Variants in OR6A2 observed in about 807,000 individuals in gnomAD.
The protein encoded by OR6A2 is olfactory receptor family 6 subfamily A member 2.
OR6A2 carries 6 observed loss-of-function variants against 7.1 expected under a neutral mutation model. The ratio of observed to expected loss-of-function variants is 0.85; its 90% CI spans 0.46 to 1.68. The LOEUF (loss-of-function observed/expected upper bound fraction) is 1.68. Ranked by LOEUF, OR6A2 falls within the 40% of genes most tolerant of loss-of-function variation. The pLI is 0.01. For synonymous variants in OR6A2, 162 were observed against 152.1 expected, an observed-to-expected ratio of 1.06 and a Z score of -0.48; for missense variants, 431 against 398.0, an observed-to-expected ratio of 1.08 and a Z score of -0.71.
At chr11:6,796,909 G>C (rs1041013003) in intron 1 of OR6A2, among the ~76,000 whole-genome samples, 1 of 152,058 alleles carries the variant, frequency 6.6e-6, no homozygotes, top group African/African-American at 2.4e-5. Flanking sequence ...TTAGAAAGGA[G>C]AATGGGGTAG....
In OR6A2 at chr11:6,794,643, A is replaced by T; in HGVS notation, c.*82T>A. 1 of 1,522,878 alleles carries T rather than the reference A, an allele frequency of 6.6e-7. No homozygotes were observed. Among genetic ancestry groups the T allele is most frequent in the Non-Finnish European group, 8.8e-7 (1 of 1,131,604 alleles). The allele number at this position is 1,522,878 out of a possible 1,614,324, so 94.3% of individuals were successfully genotyped here. On this transcript the variant is annotated 3_prime_UTR_variant, in exon 2 of 2. Transcript: ENST00000641196. ...CCTTTGAAACTCTGGCCCCCAATTT[A>T]GGCCCTAAGAACTCCACTGGACTTC...
chr11:6,793,683 T>C lies in OR6A2; in HGVS notation c.*1042A>G, dbSNP rs570040476. On this transcript the variant is annotated 3_prime_UTR_variant, in exon 2 of 2. Transcript: ENST00000641196. Reference sequence around the variant, plus strand: ...ATATTTTTGATACTGTTATATAACATAATATTTTTATTAAGTTAGAAATAT... The same window carrying C: ...ATATTTTTGATACTGTTATATAACACAATATTTTTATTAAGTTAGAAATAT... 11 of 152,296 alleles carry C rather than the reference T, an allele frequency of 7.2e-5. No homozygotes were observed. Among genetic ancestry groups the C allele is most frequent in the African/African-American group, 2.6e-4 (11 of 41,558 alleles). 9.4% of individuals were successfully genotyped at this position (152,296 alleles called of 1,614,324 possible). A position where few individuals can be genotyped will look rare whatever the true frequency, so the allele number is the denominator to read the frequency against.
intron 1 of OR6A2, among the ~76,000 whole-genome samples, chr11:6,796,236 A>G (rs1019492899): frequency 3.8e-4 from 58 of 152,212 alleles, no homozygotes; most frequent in African/African-American, 1.4e-3. Context: ...CTTAACAACA[A>G]TCTTGTGGGC....
In OR6A2 at chr11:6,793,339, A is replaced by G. The variant is rs1428218846; in HGVS notation, c.*1386T>C. The G allele has an allele frequency of 1.3e-5, 2 of 152,214 alleles. No homozygotes were observed. Among genetic ancestry groups the G allele is most frequent in the African/African-American group, 4.8e-5 (2 of 41,474 alleles). The allele number at this position is 152,214 out of a possible 1,614,324, so 9.4% of individuals were successfully genotyped here. ...TTTATTAAGTAACATACAGCAATAA[A>G]GTTAGATCCCACATCTTGAGCAACA... On this transcript the variant is annotated 3_prime_UTR_variant, in exon 2 of 2. Coordinates refer to ENST00000641196, the MANE Select transcript of OR6A2 (RefSeq NM_003696.3).
In OR6A2 at chr11:6,793,321, A is replaced by G. The variant is rs1847710367; in HGVS notation, c.*1404T>C. ...TAATATCCTTTTGTAAATTTTATTA[A>G]GTAACATACAGCAATAAAGTTAGAT... is the stretch of plus-strand genomic sequence containing the variant. On this transcript the variant is annotated 3_prime_UTR_variant, in exon 2 of 2. Coordinates refer to ENST00000641196, the MANE Select transcript of OR6A2 (RefSeq NM_003696.3). 1.3e-5 allele frequency: 2 copies of G among 152,228 alleles called. No individual in the cohort carries two copies. The highest frequency in any genetic ancestry group is 4.8e-5 in the African/African-American group (2 of 41,462). The allele number at this position is 152,228 out of a possible 1,614,324, so 9.4% of individuals were successfully genotyped here.
At chr11:6,799,194 TATA>T (rs1486289436) in intron 1 of OR6A2, among the ~76,000 whole-genome samples, 3 of 152,056 alleles carry the variant, frequency 2.0e-5, no homozygotes, top group Admixed American at 6.6e-5. Flanking sequence ...GAATAAGAGA[TATA>T]ATATTTGGGT....
chr11:6,796,144 C>T (rs1357593279), intron 1 of OR6A2, among the ~76,000 whole-genome samples: 2 of 152,140 alleles, frequency 1.3e-5, no homozygotes, highest in African/African-American at 4.8e-5. Flanking sequence ...TCATATATAA[C>T]ACAATTGAGT....
chr11:6,798,881 T>G (rs1391753294), intron 1 of OR6A2, among the ~76,000 whole-genome samples: 1 of 152,230 alleles, frequency 6.6e-6, no homozygotes, highest in South Asian at 2.1e-4. Context: ...GTTCCTGTTA[T>G]AAGGTTTCAC....
chr11:6,799,348 T>C (rs1847778167), intron 1 of OR6A2, among the ~76,000 whole-genome samples, 196 bp downstream of exon 1: 1 of 152,098 alleles, frequency 6.6e-6, no homozygotes, highest in Non-Finnish European at 1.5e-5. Flanking sequence ...AAGGACCAGC[T>C]ATGAGAGGAA....
Position 6,798,878 on chromosome 11 carries a change from T to C in OR6A2, c.-177+666A>G, listed in dbSNP as rs976813262. Among the ~76,000 whole-genome samples the C allele has an allele frequency of 2.8e-4, 42 of 152,218 alleles. 1 individual carries two copies. Among genetic ancestry groups the C allele is most frequent in the Non-Finnish European group, 8.8e-5 (6 of 68,034 alleles). The stretch of plus-strand genomic sequence containing the variant: ...TCTCTCCTTCTGACAGTAGTTCCTG[T>C]TATAAGGTTTCACTTACTGATTATT... On this transcript the variant is annotated intron_variant, in intron 1 of 1. Coordinates refer to ENST00000641196, the MANE Select transcript of OR6A2 (RefSeq NM_003696.3).
intron 1 of OR6A2, among the ~76,000 whole-genome samples, chr11:6,798,858 CCTT>C (rs538551429): frequency 2.4e-4 from 36 of 152,264 alleles, no homozygotes; most frequent in African/African-American, 8.2e-4. Context: ...ATCTATCTCT[CCTT>C]CTGACAGTAG....
At chr11:6,797,632 C>T (rs1166584006) in intron 1 of OR6A2, among the ~76,000 whole-genome samples, 1 of 152,182 alleles carries the variant, frequency 6.6e-6, no homozygotes, top group Non-Finnish European at 1.5e-5. Context: ...TAGTCTTACC[C>T]TTAAAGGTGA....
At position 6,795,487 on chromosome 11, in the gene OR6A2, A is replaced by C. The variant is rs1011378890; in HGVS notation, c.222T>G (p.Tyr74Ter). ...LANMSFLEIW[Y>*]VTVTIPKMLA... Reference sequence around the variant, plus strand: ...GCATCTTGGGAATAGTGACAGTGACATACCAGATCTCCAGAAAGGACATAT... The same window carrying C: ...GCATCTTGGGAATAGTGACAGTGACCTACCAGATCTCCAGAAAGGACATAT... The change falls in exon 2 of 2, where the codon TAT (tyrosine) becomes TAG (stop). Residue 74 changes from tyrosine (Y) to a stop codon, truncating the protein, a stop_gained. Transcript: ENST00000641196. LOFTEE classifies it high-confidence loss of function. The C allele has an allele frequency of 1.2e-6, 2 of 1,614,194 alleles. No homozygotes were observed. Among genetic ancestry groups the C allele is most frequent in the South Asian group, 2.2e-5 (2 of 91,092 alleles).
Position 6,794,836 on chromosome 11 carries a change from A to G in OR6A2, c.873T>C (p.Asn291=), listed in dbSNP as rs1456301922. The change falls in exon 2 of 2, where the codon AAT becomes AAC. Residue 291 remains asparagine, a synonymous_variant. Transcript: ENST00000641196. ...VLYAVIVPLL[N]PIIYCLRNQE... Reference sequence around the variant, plus strand: ...GATTGCGCAGGCAGTAAATGATGGGATTGAGCAATGGTACAATGACAGCAT... The same window carrying G: ...GATTGCGCAGGCAGTAAATGATGGGGTTGAGCAATGGTACAATGACAGCAT... 4 of 1,614,014 alleles carry G rather than the reference A, an allele frequency of 2.5e-6. No individual in the cohort carries two copies. Among genetic ancestry groups the G allele is most frequent in the African/African-American group, 2.7e-5 (2 of 74,918 alleles).
chr11:6,797,129 T>G (rs1847755058), intron 1 of OR6A2, among the ~76,000 whole-genome samples: 1 of 152,236 alleles, frequency 6.6e-6, no homozygotes, highest in Non-Finnish European at 1.5e-5. Flanking sequence ...CTCTTAATAC[T>G]GTAATGCAAT....
chr11:6,796,871 G>A (rs1388033692), intron 1 of OR6A2, among the ~76,000 whole-genome samples: 1 of 152,142 alleles, frequency 6.6e-6, no homozygotes. Context: ...CCCCTGTACA[G>A]ATATAGCATT....
chr11:6,796,227 T>TTA lies in OR6A2; in HGVS notation c.-176-345_-176-344dup, dbSNP rs566292845. The stretch of plus-strand genomic sequence containing the variant: ...ATTTGCAGTATTAATTCGCTTGATC[T>TTA]TAACAACAATCTTGTGGGCTAGTAC... On this transcript the variant is annotated intron_variant, in intron 1 of 1. Coordinates refer to ENST00000641196, the MANE Select transcript of OR6A2 (RefSeq NM_003696.3). 7.9e-5 allele frequency among the ~76,000 whole-genome samples: 12 copies of TTA among 152,336 alleles called. No individual in the cohort carries two copies. The East Asian group carries it at 1.2e-3, about 15-fold the overall frequency.
In OR6A2 at chr11:6,794,447, C is replaced by T; in HGVS notation, c.*278G>A. On this transcript the variant is annotated 3_prime_UTR_variant, in exon 2 of 2. Transcript: ENST00000641196. ...TTTTCCGTAATGAAGCCTGTGCTTC[C>T]TTGATTGGAACCTTGTCTATGCAAA... 1 of 390,132 alleles carries T rather than the reference C, an allele frequency of 2.6e-6. No individual in the cohort carries two copies. Among genetic ancestry groups the T allele is most frequent in the Non-Finnish European group, 4.6e-6 (1 of 218,022 alleles). The allele number at this position is 390,132 out of a possible 1,614,324, so 24.2% of individuals were successfully genotyped here.
Position 6,794,830 on chromosome 11 carries a change from G to A in OR6A2, c.879C>T (p.Ile293=). 6.2e-7 allele frequency: 1 copy of A among 1,614,132 alleles called. No homozygotes were observed. The highest frequency in any genetic ancestry group is 8.5e-7 in the Non-Finnish European group (1 of 1,179,992). Residue 293 remains isoleucine, a synonymous_variant, in exon 2 of 2, where the codon ATC becomes ATT. Coordinates refer to ENST00000641196, the MANE Select transcript of OR6A2 (RefSeq NM_003696.3). ...YAVIVPLLNP[I]IYCLRNQEVK... is the part of the protein sequence containing the mutation. ...CCTCTTGATTGCGCAGGCAGTAAAT[G>A]ATGGGATTGAGCAATGGTACAATGA...
Sources: gnomAD v4.1 joint callset for allele counts (sites outside exome capture counted in the v4.1 genomes callset) on GRCh38, gnomAD v4.1.1 for gene constraint, MANE v1.5 for transcripts, NCBI Gene and HGNC (gene_info 2026-07-23, HGNC 2026-07-21) for gene names.